TFDP1: variants seen among roughly 807,000 people sequenced by gnomAD.
TFDP1 encodes the protein transcription factor Dp-1.
In TFDP1, 6 loss-of-function variants were observed where a neutral mutation model predicts 48.0. That is an observed-to-expected ratio of 0.13 (90% CI 0.07 to 0.25). TFDP1 has a LOEUF of 0.25. Among genes scored for constraint, TFDP1 ranks in the 10% least tolerant of loss-of-function variants. The pLI is 1.00. For missense variants in TFDP1, 335 were observed against 543.0 expected (o/e 0.62, Z 3.81); for synonymous variants, 201 against 211.6 (o/e 0.95, Z 0.44).
chr13:113,596,880 C>T (rs2048301193), intron 2 of TFDP1, among the ~76,000 whole-genome samples: 1 of 152,182 alleles, frequency 6.6e-6, no homozygotes, highest in Non-Finnish European at 1.5e-5. Context: ...CATTTGTTCC[C>T]TGGAGCCCTG....
rs369003192 is a variant in TFDP1, at chr13:113,599,490, C to T, written c.13-11506C>T. 9.2e-5 allele frequency among the ~76,000 whole-genome samples: 14 copies of T among 152,374 alleles called. No homozygotes were observed. The East Asian group carries it at 1.9e-3, about 21-fold the overall frequency. ...GTCTGGTCTCGCTGATGCGCCCTCA[C>T]GTACTCCACCCTGTTGATGGGCTGC... is the stretch of plus-strand genomic sequence containing the variant. On this transcript the variant is annotated intron_variant, in intron 2 of 11. Transcript: ENST00000375370.
chr13:113,591,362 A>C (rs1198736185), intron 2 of TFDP1, among the ~76,000 whole-genome samples: 3 of 152,092 alleles, frequency 2.0e-5, no homozygotes, highest in Non-Finnish European at 4.4e-5. Flanking sequence ...AAAAAGAAAA[A>C]AGTTTTGCCC....
chr13:113,612,804 A>G (rs2048737536), intron 3 of TFDP1, among the ~76,000 whole-genome samples: 1 of 152,196 alleles, frequency 6.6e-6, no homozygotes, highest in African/African-American at 2.4e-5. Flanking sequence ...GAAGGAACAT[A>G]TTCTGCATTC....
chr13:113,639,869 C>T (rs2049596708), intron 11 of TFDP1, among the ~76,000 whole-genome samples: 2 of 152,394 alleles, frequency 1.3e-5, no homozygotes, highest in East Asian at 1.9e-4. Flanking sequence ...GCGTGTGGCT[C>T]TGCTCAGCCT....
chr13:113,617,430 A>C (rs577451968), intron 3 of TFDP1, among the ~76,000 whole-genome samples: 1 of 152,188 alleles, frequency 6.6e-6, no homozygotes, highest in East Asian at 1.9e-4. Context: ...TCACATGCAG[A>C]GCCGCTCACC....
At chr13:113,618,197 A>G (rs1294990656) in intron 3 of TFDP1, among the ~76,000 whole-genome samples, 2 of 152,150 alleles carry the variant, frequency 1.3e-5, no homozygotes, top group African/African-American at 4.8e-5. Flanking sequence ...AATGTGTGGA[A>G]CACTCTACTC....
intron 3 of TFDP1, among the ~76,000 whole-genome samples, chr13:113,621,905 G>C (rs574957614): frequency 2.5e-3 from 381 of 152,328 alleles, no homozygotes; most frequent in South Asian, 0.011. Flanking sequence ...TGCTTCAGTG[G>C]TCACGCTCCT....
intron 4 of TFDP1, among the ~76,000 whole-genome samples, chr13:113,625,684 GTGT>G (rs2049141648): frequency 3.8e-5 from 5 of 130,500 alleles, no homozygotes; most frequent in Admixed American, 7.4e-5. Flanking sequence ...CGTCTCTCAC[GTGT>G]CCTCAGGTGT....
chr13:113,604,351 A>G (rs1327565785), intron 2 of TFDP1, among the ~76,000 whole-genome samples: 1 of 152,050 alleles, frequency 6.6e-6, no homozygotes, highest in Non-Finnish European at 1.5e-5. Flanking sequence ...CATAAGAATG[A>G]CTTCATATTA....
rs1028743094 is a variant in TFDP1, at chr13:113,607,898, G to A, written c.13-3098G>A. ...GAGAAACATCCAGGCCACCTGTGCC[G>A]CAGCCCCCATGGCTGCCGAGGTCTC... On this transcript the variant is annotated intron_variant, in intron 2 of 11. Transcript: ENST00000375370. The surrounding 1 kb of genome is among the most constrained non-coding windows in gnomAD (Gnocchi z 5.2). Among the ~76,000 whole-genome samples the A allele has an allele frequency of 2.0e-5, 3 of 152,204 alleles. No individual in the cohort carries two copies. The highest frequency in any genetic ancestry group is 4.8e-5 in the African/African-American group (2 of 41,464).
chr13:113,597,455 A>G (rs1308737233), intron 2 of TFDP1, among the ~76,000 whole-genome samples: 2 of 152,046 alleles, frequency 1.3e-5, no homozygotes, highest in Non-Finnish European at 2.9e-5. Flanking sequence ...AACCTGTGTG[A>G]TGTGTTGTGG....
chr13:113,631,885 C>T, intron 5 of TFDP1, 141 bp downstream of exon 5: 1 of 1,229,590 alleles, frequency 8.1e-7, no homozygotes, highest in Non-Finnish European at 1.1e-6. Context: ...TCACACTCAC[C>T]CATCATCGTG....
At chr13:113,586,095 T>C (rs1308978623) in intron 2 of TFDP1, 1 of 402,898 alleles carries the variant, frequency 2.5e-6, no homozygotes, top group Non-Finnish European at 4.4e-6. Flanking sequence ...GGTGGTGCCT[T>C]CTGACTTTTT....
Position 113,586,702 on chromosome 13 carries a change from G to A in TFDP1, c.12+853G>A, listed in dbSNP as rs77169168. On this transcript the variant is annotated intron_variant, in intron 2 of 11. Transcript: ENST00000375370. ...AGAGTGTGGAGCCCTCTCCGTTGGC[G>A]CAGAGGTTTCAGTGGTCCCTGCGAG... 2.8e-4 allele frequency among the ~76,000 whole-genome samples: 43 copies of A among 152,304 alleles called. No homozygotes were observed. The East Asian group carries it at 7.9e-3, about 28-fold the overall frequency.
intron 2 of TFDP1, among the ~76,000 whole-genome samples, chr13:113,604,789 C>T (rs531457926): frequency 9.8e-5 from 15 of 152,324 alleles, no homozygotes; most frequent in Admixed American, 3.3e-4. Context: ...ACCCCACATA[C>T]AGGGTTCTGA....
chr13:113,590,245 T>A (rs1003367110), intron 2 of TFDP1, among the ~76,000 whole-genome samples: 4 of 152,210 alleles, frequency 2.6e-5, no homozygotes, highest in African/African-American at 9.6e-5. Context: ...GTTTGTGTCC[T>A]GTGAGTTTAT....
intron 3 of TFDP1, among the ~76,000 whole-genome samples, chr13:113,621,102 A>G (rs145689546): frequency 1.6e-4 from 25 of 152,396 alleles, no homozygotes; most frequent in South Asian, 4.1e-4. Flanking sequence ...CGCAAAGGCA[A>G]TGTATTCGAA....
intron 4 of TFDP1, among the ~76,000 whole-genome samples, chr13:113,624,808 T>C (rs1270792137): frequency 7.1e-6 from 1 of 141,674 alleles, no homozygotes; most frequent in African/African-American, 2.7e-5. Flanking sequence ...TCCTCAGGTG[T>C]TTCTCAGGTG....
At chr13:113,635,730 CTT>C (rs1245416921) in intron 8 of TFDP1, among the ~76,000 whole-genome samples, 3 of 152,146 alleles carry the variant, frequency 2.0e-5, no homozygotes, top group Non-Finnish European at 4.4e-5. Flanking sequence ...GTGGAGGACA[CTT>C]TTATCAGGGC....
Sources: allele counts gnomAD v4.1 joint callset (sites outside exome capture counted in the v4.1 genomes callset), GRCh38; gene constraint gnomAD v4.1.1; non-coding constraint Gnocchi (gnomAD v3.1); transcripts MANE v1.5; gene names NCBI Gene and HGNC (gene_info 2026-07-23, HGNC 2026-07-21).